The following B3GALT1 variants were observed in gnomAD, a reference collection of about 807,000 sequenced individuals.
B3GALT1 encodes the protein UDP-Gal:betaGlcNAc beta 1,3-galactosyltransferase, polypeptide 1.
A neutral mutation model predicts 23.2 loss-of-function variants in B3GALT1; 10 were observed. That is an observed-to-expected ratio of 0.43 (90% CI 0.27 to 0.73). B3GALT1 has a LOEUF of 0.73. Ranked by LOEUF, B3GALT1 falls within the 30% of genes least tolerant of loss-of-function variation. The pLI, the probability that B3GALT1 is intolerant of heterozygous loss-of-function variation, is 0.21. For synonymous variants in B3GALT1, 156 were observed against 141.5 expected (o/e 1.10, Z -0.73); for missense variants, 299 against 405.4 (o/e 0.74, Z 2.25).
At chr2:167,524,727 C>T (rs1683191952) in intron 2 of B3GALT1, among the ~76,000 whole-genome samples, 1 of 152,178 alleles carries the variant, frequency 6.6e-6, no homozygotes, top group Non-Finnish European at 1.5e-5. Context: ...AGACAAACAC[C>T]TTTAACTAAT....
intron 1 of B3GALT1, among the ~76,000 whole-genome samples, chr2:167,440,450 T>C (rs1334839243): frequency 6.6e-6 from 1 of 152,098 alleles, no homozygotes; most frequent in Non-Finnish European, 1.5e-5. Context: ...ACTGATTTAA[T>C]GTGACAGAAG....
At chr2:167,417,698 T>C (rs531259550) in intron 1 of B3GALT1, among the ~76,000 whole-genome samples, 105 of 152,320 alleles carry the variant, frequency 6.9e-4, no homozygotes, top group African/African-American at 2.5e-3. Context: ...TAAGGGTTAG[T>C]CTACGAGTGA....
intron 1 of B3GALT1, among the ~76,000 whole-genome samples, chr2:167,467,554 T>C (rs76691232): frequency 6.6e-6 from 1 of 152,216 alleles, no homozygotes; most frequent in African/African-American, 2.4e-5. Flanking sequence ...TGATGACATA[T>C]GACTGGCAGA....
At chr2:167,864,980 G>GTGTT (rs2105437205) in intron 4 of B3GALT1, among the ~76,000 whole-genome samples, 1 of 151,884 alleles carries the variant, frequency 6.6e-6, no homozygotes, top group East Asian at 1.9e-4. Context: ...AAAAAAAAAG[G>GTGTT]TGTTTATAAA....
intron 2 of B3GALT1, among the ~76,000 whole-genome samples, chr2:167,492,877 ATGTGTGTGTG>A (rs61117741): frequency 6.7e-6 from 1 of 149,088 alleles, no homozygotes; most frequent in Non-Finnish European, 1.5e-5. Flanking sequence ...GTATTTAGAG[ATGTGTGTGTG>A]TGTGTGTGTG....
chr2:167,304,151 T>C (rs778138886), intron 1 of B3GALT1, among the ~76,000 whole-genome samples: 35 of 152,168 alleles, frequency 2.3e-4, no homozygotes, highest in Middle Eastern at 3.2e-3. Flanking sequence ...TGAAGTTCTG[T>C]GTTTGATTTT....
chr2:167,662,285 C>G (rs1026654976), intron 3 of B3GALT1, among the ~76,000 whole-genome samples: 4 of 152,008 alleles, frequency 2.6e-5, no homozygotes, highest in Non-Finnish European at 4.4e-5. Flanking sequence ...TTTAGTAATT[C>G]AATAGTTAAG....
At chr2:167,422,309 C>T (rs1698560229) in intron 1 of B3GALT1, among the ~76,000 whole-genome samples, 1 of 149,426 alleles carries the variant, frequency 6.7e-6, no homozygotes, top group African/African-American at 2.5e-5. Flanking sequence ...AAGCCAAGAA[C>T]AGAGCCCTCA....
At chr2:167,458,662 T>C (rs1235664077) in intron 1 of B3GALT1, among the ~76,000 whole-genome samples, 2 of 152,182 alleles carry the variant, frequency 1.3e-5, no homozygotes, top group Non-Finnish European at 2.9e-5. Flanking sequence ...GCGTATGAAG[T>C]GGTAAGTTTC....
intron 1 of B3GALT1, among the ~76,000 whole-genome samples, chr2:167,456,489 C>T (rs577908401): frequency 2.0e-5 from 3 of 152,250 alleles, no homozygotes; most frequent in Non-Finnish European, 4.4e-5. Flanking sequence ...CAAGTCATTT[C>T]AAATCTGTAT....
intron 1 of B3GALT1, among the ~76,000 whole-genome samples, chr2:167,445,418 G>T (rs535159405): frequency 4.6e-5 from 7 of 152,148 alleles, no homozygotes; most frequent in South Asian, 2.1e-4. Flanking sequence ...CCTGGATATC[G>T]TTGTTAACTT....
intron 2 of B3GALT1, among the ~76,000 whole-genome samples, chr2:167,572,637 A>G (rs1684315259): frequency 1.3e-5 from 2 of 151,782 alleles, no homozygotes; most frequent in Admixed American, 6.6e-5. Context: ...ACATCTGCCG[A>G]TTGAGGTCAC....
rs559175309 is a variant in B3GALT1, at chr2:167,536,360, G to C, written c.-410+46083G>C. ...GAGGGAATAAAAGAAAGAGAAAGAC[G>C]TGGAAATAATTAAAGAATTATTAAC... On this transcript the variant is annotated intron_variant, in intron 2 of 4. Transcript: ENST00000392690. Among the ~76,000 whole-genome samples, 8 of 152,208 alleles carry C rather than the reference G, an allele frequency of 5.3e-5. No homozygotes were observed. The South Asian group carries it at 8.3e-4, about 16-fold the overall frequency.
intron 1 of B3GALT1, among the ~76,000 whole-genome samples, chr2:167,406,058 T>C (rs182615127): frequency 5.3e-4 from 80 of 152,216 alleles, no homozygotes; most frequent in Admixed American, 2.1e-3. Context: ...ATAATTGAAA[T>C]ATTTTAAAGT....
At chr2:167,713,370 GT>G (rs1235636928) in intron 3 of B3GALT1, among the ~76,000 whole-genome samples, 1 of 152,164 alleles carries the variant, frequency 6.6e-6, no homozygotes, top group Non-Finnish European at 1.5e-5. Context: ...ACAAAATGAA[GT>G]GAAAATTCTA....
At chr2:167,637,065 G>T (rs2105452119) in intron 2 of B3GALT1, among the ~76,000 whole-genome samples, 1 of 152,082 alleles carries the variant, frequency 6.6e-6, no homozygotes, top group East Asian at 1.9e-4. Context: ...ATTAGTTAGT[G>T]CCCATGCTAT....
At chr2:167,580,589 A>ATTT (rs1684465950) in intron 2 of B3GALT1, among the ~76,000 whole-genome samples, 1 of 152,180 alleles carries the variant, frequency 6.6e-6, no homozygotes, top group African/African-American at 2.4e-5. Context: ...CCCTGAAGAA[A>ATTT]TGCAGACCAC....
chr2:167,863,947 AAAG>A (rs1340929317), intron 4 of B3GALT1, among the ~76,000 whole-genome samples: 1 of 151,872 alleles, frequency 6.6e-6, no homozygotes, highest in Non-Finnish European at 1.5e-5. Context: ...CAACAGGAAA[AAAG>A]GTCAGTAGAA....
chr2:167,297,938 G>A (rs891402031), intron 1 of B3GALT1, among the ~76,000 whole-genome samples: 1 of 152,044 alleles, frequency 6.6e-6, no homozygotes, highest in African/African-American at 2.4e-5. Context: ...TTTAGGAGAT[G>A]GAGAAAGACT....
Sources: gnomAD v4.1 joint callset for allele counts (sites outside exome capture counted in the v4.1 genomes callset) on GRCh38, gnomAD v4.1.1 for gene constraint, MANE v1.5 for transcripts, NCBI Gene and HGNC (gene_info 2026-07-23, HGNC 2026-07-21) for gene names.